Variants in ALDH1L1 observed in about 807,000 individuals in gnomAD.
ALDH1L1 encodes cytosolic 10-formyltetrahydrofolate dehydrogenase.
ALDH1L1 carries 68 observed loss-of-function variants against 101.1 expected under a neutral mutation model. The ratio of observed to expected loss-of-function variants is 0.67; its 90% confidence interval spans 0.55 to 0.82. The LOEUF is 0.82. Ranked by LOEUF, ALDH1L1 falls within the 40% of genes least tolerant of loss-of-function variation. The probability of loss-of-function intolerance (pLI) is 0.00; values close to 1 mark genes in which losing one functional copy is unlikely to be tolerated. For missense variants in ALDH1L1, 1,087 were observed against 1,172.7 expected (o/e 0.93, Z 1.07); for synonymous variants, 486 against 470.8 (o/e 1.03, Z -0.42).
At chr3:126,143,089 C>T (rs979419711) in intron 9 of ALDH1L1, among the ~76,000 whole-genome samples, 2 of 152,192 alleles carry the variant, frequency 1.3e-5, no homozygotes, top group African/African-American at 4.8e-5. Flanking sequence ...GGAAACTCAT[C>T]TAACACAAAG....
At chr3:126,125,579 G>C (rs762807790) in intron 15 of ALDH1L1, 37 bp downstream of exon 15, 4 of 1,425,932 alleles carry the variant, frequency 2.8e-6, no homozygotes, top group Non-Finnish European at 3.7e-6. Context: ...TCCTCTCTGT[G>C]GCCTGCAGGC....
intron 14 of ALDH1L1, among the ~76,000 whole-genome samples, chr3:126,126,133 T>C (rs571416015): frequency 2.0e-5 from 3 of 152,090 alleles, no homozygotes; most frequent in Admixed American, 6.5e-5. Flanking sequence ...TGAGGCCAGG[T>C]GTCAATCCTC....
At chr3:126,147,719 G>A (rs2080724405) in intron 8 of ALDH1L1, among the ~76,000 whole-genome samples, 1 of 152,144 alleles carries the variant, frequency 6.6e-6, no homozygotes, top group Non-Finnish European at 1.5e-5. Context: ...GGTTGGGGGT[G>A]AGGCATGAGA....
chr3:126,113,318 C>T lies in ALDH1L1; in HGVS notation c.2083-438G>A, dbSNP rs144817295. 1.1e-4 allele frequency among the ~76,000 whole-genome samples: 17 copies of T among 152,246 alleles called. No individual in the cohort carries two copies. In the East Asian group the frequency reaches 2.3e-3, roughly 21 times the overall value. ...GCCGTGTGTGTAAGCATGGAGCAGG[C>T]GGTGGGTGACAGGGCAGAGGGTGGG... On this transcript the variant is annotated intron_variant, in intron 18 of 22. Transcript: ENST00000393434.
chr3:126,176,477 T>C (rs1194247728), intron 1 of ALDH1L1, among the ~76,000 whole-genome samples: 1 of 152,184 alleles, frequency 6.6e-6, no homozygotes, highest in Non-Finnish European at 1.5e-5. Context: ...GGCAAAAGAA[T>C]AGTCAGATAG....
chr3:126,130,691 G>C (rs942845400), intron 13 of ALDH1L1, among the ~76,000 whole-genome samples: 1 of 152,208 alleles, frequency 6.6e-6, no homozygotes, highest in Non-Finnish European at 1.5e-5. Context: ...GCACCAGGCA[G>C]CCCACCTCCC....
Position 126,110,151 on chromosome 3 carries a change from C to T in ALDH1L1, c.2182-42G>A. On this transcript the variant is annotated intron_variant, in intron 19 of 22. Coordinates refer to ENST00000393434, the MANE Select transcript of ALDH1L1 (RefSeq NM_012190.4). ...AAGTCAGGTGTGGCTTGTGCTGCCA[C>T]AGTTTCTGACAATGATCCTCACCTG... 1.9e-6 allele frequency: 3 copies of T among 1,607,184 alleles called. 1 individual carries two copies. Among genetic ancestry groups the T allele is most frequent in the East Asian group, 2.2e-5 (1 of 44,824 alleles).
At chr3:126,132,904 A>G (rs148430156) in intron 12 of ALDH1L1, among the ~76,000 whole-genome samples, 2 of 152,350 alleles carry the variant, frequency 1.3e-5, no homozygotes, top group African/African-American at 4.8e-5. Flanking sequence ...CACTCAGCTC[A>G]GGTTTGCTGC....
intron 9 of ALDH1L1, 122 bp downstream of exon 9, chr3:126,146,713 G>A: frequency 9.6e-7 from 1 of 1,037,070 alleles, no homozygotes; most frequent in Non-Finnish European, 1.4e-6. Context: ...GGCCCTTCCT[G>A]GGTCCCTGGC....
At position 126,112,793 on chromosome 3, in the gene ALDH1L1, C is replaced by T. The variant is rs759791441; in HGVS notation, c.2170G>A (p.Val724Met). ...GGGGCAGGACTTACCACTCTCCGCACGAACTCATCATGAATGGAGTCCTCC... is the reference window on the plus strand; with the variant it reads ...GGGGCAGGACTTACCACTCTCCGCATGAACTCATCATGAATGGAGTCCTCC... ...FVEDSIHDEF[V>M]RRVVEEVRKM... Residue 724 changes from valine (V) to methionine (M), a missense_variant, in exon 19 of 23, where the codon GTG (valine) becomes ATG (methionine). Transcript: ENST00000393434. 16 of 1,613,166 alleles carry T rather than the reference C, an allele frequency of 9.9e-6. No homozygotes were observed. The Admixed American group carries it at 1.2e-4, about 12-fold the overall frequency.
rs941612354 is a variant in ALDH1L1 at position 126,110,016 on chromosome 3, T to A, written c.2275A>T (p.Met759Leu). The A allele has an allele frequency of 6.2e-6, 10 of 1,614,104 alleles. No individual in the cohort carries two copies. Among genetic ancestry groups the A allele is most frequent in the Non-Finnish European group, 8.5e-6 (10 of 1,180,040 alleles). The part of the protein sequence containing the change: ...QNHHAHLVKL[M>L]EYCQHGVKEG... Reference sequence around the variant, plus strand: ...TTCACGCCATGCTGGCAGTACTCCATCAGCTTCACAAGGTGGGCATGGTGA... The same window carrying A: ...TTCACGCCATGCTGGCAGTACTCCAACAGCTTCACAAGGTGGGCATGGTGA... Residue 759 changes from methionine (M) to leucine (L), a missense_variant, in exon 20 of 23, where the codon ATG (methionine) becomes TTG (leucine). Met to Leu is a conservative substitution (Grantham distance 15). Coordinates refer to ENST00000393434, the MANE Select transcript of ALDH1L1 (RefSeq NM_012190.4).
intron 15 of ALDH1L1, 69 bp from the exon 16 acceptor site, chr3:126,124,520 C>T (rs531909296): frequency 2.4e-6 from 3 of 1,272,896 alleles, no homozygotes; most frequent in East Asian, 2.5e-5. Flanking sequence ...CCTTCCCTCC[C>T]CGCCTTCCTC....
At chr3:126,113,597 G>A (rs1373635811) in intron 18 of ALDH1L1, among the ~76,000 whole-genome samples, 3 of 152,218 alleles carry the variant, frequency 2.0e-5, no homozygotes, top group Non-Finnish European at 4.4e-5. Context: ...AGATCCCCGT[G>A]CTGATGGGTT....
intron 8 of ALDH1L1, among the ~76,000 whole-genome samples, chr3:126,150,112 C>T (rs2080778620): frequency 6.6e-6 from 1 of 152,198 alleles, no homozygotes; most frequent in Non-Finnish European, 1.5e-5. Context: ...GGGCTTGACA[C>T]CTGACTCTTT....
intron 1 of ALDH1L1, among the ~76,000 whole-genome samples, chr3:126,171,081 G>A (rs986859772): frequency 3.3e-5 from 5 of 152,096 alleles, no homozygotes; most frequent in African/African-American, 1.2e-4. Flanking sequence ...GGCGGATCAC[G>A]AGGTAAGGAG....
At chr3:126,174,869 A>G (rs146814100) in intron 1 of ALDH1L1, among the ~76,000 whole-genome samples, 306 of 152,248 alleles carry the variant, frequency 2.0e-3, no homozygotes, top group Non-Finnish European at 3.7e-3. Flanking sequence ...TCCAAAATAA[A>G]CAGAAGAAAG....
chr3:126,110,281 A>C, intron 19 of ALDH1L1, 172 bp from the exon 20 acceptor site: 2 of 784,486 alleles, frequency 2.5e-6, no homozygotes, highest in Non-Finnish European at 4.0e-6. Context: ...GAAATCCCAA[A>C]TGGCTCCTAT....
chr3:126,123,200 G>A (rs1301969574), intron 16 of ALDH1L1, among the ~76,000 whole-genome samples: 3 of 151,676 alleles, frequency 2.0e-5, no homozygotes, highest in Non-Finnish European at 1.5e-5. Flanking sequence ...ATAAACAGGG[G>A]CATTTATAAT....
chr3:126,191,695 G>A (rs1015778599), intron 1 of ALDH1L1, among the ~76,000 whole-genome samples: 1 of 152,178 alleles, frequency 6.6e-6, no homozygotes, highest in African/African-American at 2.4e-5. Flanking sequence ...ACCTTGAGTG[G>A]TTTTTATTCT....
Sources: gnomAD v4.1 joint callset for allele counts (sites outside exome capture counted in the v4.1 genomes callset) on GRCh38, gnomAD v4.1.1 for gene constraint, MANE v1.5 for transcripts, NCBI Gene and HGNC (gene_info 2026-07-23, HGNC 2026-07-21) for gene names.